The following ZC3HAV1 variants were observed in gnomAD, a reference collection of about 807,000 sequenced individuals.
The protein encoded by ZC3HAV1 is zinc finger CCCH-type containing, antiviral 1.
In ZC3HAV1, 41 loss-of-function variants were observed where a neutral mutation model predicts 86.6. The observed-to-expected ratio is 0.47, with a 90% CI of 0.37 to 0.61. The LOEUF (loss-of-function observed/expected upper bound fraction) is 0.61. Among genes scored for constraint, ZC3HAV1 ranks in the 20% least tolerant of loss-of-function variants. The probability of loss-of-function intolerance (pLI) is 0.00; values close to 1 mark genes in which losing one functional copy is unlikely to be tolerated. For synonymous variants in ZC3HAV1, 421 were observed against 432.1 expected, an observed-to-expected ratio of 0.97 and a Z score of 0.32; for missense variants, 964 against 1,141.1, an observed-to-expected ratio of 0.84 and a Z score of 2.24.
chr7:139,055,440 A>G (rs2297237), intron 9 of ZC3HAV1, 145 bp from the exon 10 acceptor site: 313,857 of 535,966 alleles, frequency 0.59, 94,136 homozygotes, highest in African/African-American at 0.69. Context: ...CTACATCCTC[A>G]CATATTCCTG....
chr7:139,046,734 T>G lies in ZC3HAV1; in HGVS notation c.*860A>C, dbSNP rs1031418211. ...CCATGTCTGCAATAGCACTTCAATT[T>G]TACTTTTTTTTCCCCTAGCATGTCC... On this transcript the variant is annotated 3_prime_UTR_variant, in exon 13 of 13. Transcript: ENST00000242351. The G allele has an allele frequency of 6.6e-6, 1 of 151,308 alleles. No homozygotes were observed. The highest frequency in any genetic ancestry group is 2.5e-5 in the African/African-American group (1 of 40,534). The allele number at this position is 151,308 out of a possible 1,614,324, so 9.4% of individuals were successfully genotyped here.
intron 10 of ZC3HAV1, 142 bp from the exon 11 acceptor site, chr7:139,054,237 C>T: frequency 1.3e-6 from 1 of 790,026 alleles, no homozygotes. Flanking sequence ...CTTAGGGTTC[C>T]CACATCTGCC....
intron 7 of ZC3HAV1, among the ~76,000 whole-genome samples, chr7:139,067,605 G>A (rs1449940025): frequency 6.6e-6 from 1 of 151,942 alleles, no homozygotes; most frequent in Non-Finnish European, 1.5e-5. Context: ...TTACTTAATG[G>A]GTACAATGTA....
chr7:139,054,525 A>G (rs1816225678), intron 10 of ZC3HAV1, among the ~76,000 whole-genome samples: 2 of 152,140 alleles, frequency 1.3e-5, no homozygotes, highest in Admixed American at 1.3e-4. Flanking sequence ...AGTTTGTTTG[A>G]CTCCCATAGA....
intron 1 of ZC3HAV1, among the ~76,000 whole-genome samples, chr7:139,107,033 T>C (rs955116244): frequency 6.6e-6 from 1 of 152,160 alleles, no homozygotes; most frequent in Non-Finnish European, 1.5e-5. Flanking sequence ...AGCATATGTA[T>C]TTCATACTAA....
chr7:139,079,564 T>C lies in ZC3HAV1; in HGVS notation c.1377A>G (p.Ser459=), dbSNP rs1466926624. 7.4e-6 allele frequency: 12 copies of C among 1,614,030 alleles called. No homozygotes were observed. The highest frequency in any genetic ancestry group is 1.6e-4 in the Middle Eastern group (1 of 6,084). The change falls in exon 4 of 13, where the codon TCA becomes TCG. Residue 459 remains serine, a synonymous_variant. Transcript: ENST00000242351. Reference sequence around the variant, plus strand: ...CAGGTCCAGCATCCTGAATCCTAGGTGATGATATTTCTCTGTGACCGCTGC... The same window carrying C: ...CAGGTCCAGCATCCTGAATCCTAGGCGATGATATTTCTCTGTGACCGCTGC... ...STSSGHREIS[S]PRIQDAGPAS... is the part of the protein sequence containing the mutation.
At position 139,109,406 on chromosome 7, in the gene ZC3HAV1, T is replaced by C. The variant is rs890261303; in HGVS notation, c.-75A>G. ...GAAATCGGAAATCGAAACTTACAAG[T>C]GTCCAGGGGCGGGCGCGGGCGGTGC... On this transcript the variant is annotated 5_prime_UTR_variant, in exon 1 of 13. Coordinates refer to ENST00000242351, the MANE Select transcript of ZC3HAV1 (RefSeq NM_020119.4). 4 of 1,440,320 alleles carry C rather than the reference T, an allele frequency of 2.8e-6. No homozygotes were observed. In the African/African-American group the frequency reaches 5.7e-5, roughly 21 times the overall value. 89.2% of individuals were successfully genotyped at this position (1,440,320 alleles called of 1,614,324 possible).
At chr7:139,097,735 G>T (rs1014183344) in intron 1 of ZC3HAV1, among the ~76,000 whole-genome samples, 13 of 151,438 alleles carry the variant, frequency 8.6e-5, no homozygotes, top group East Asian at 7.9e-4. Context: ...AGCCCGGCCG[G>T]AACTCCTTAT....
intron 5 of ZC3HAV1, among the ~76,000 whole-genome samples, chr7:139,077,536 G>A (rs996683571): frequency 7.2e-5 from 11 of 152,146 alleles, no homozygotes; most frequent in African/African-American, 2.7e-4. Context: ...AAGCCACCAT[G>A]CCTGGCATTT....
chr7:139,097,418 A>ATT (rs1563140611), intron 1 of ZC3HAV1, among the ~76,000 whole-genome samples: 10 of 78,456 alleles, frequency 1.3e-4, no homozygotes, highest in South Asian at 5.3e-4. Flanking sequence ...ATATATATAT[A>ATT]TATATATATA....
chr7:139,101,870 C>T (rs1014706693), intron 1 of ZC3HAV1, among the ~76,000 whole-genome samples: 4 of 151,958 alleles, frequency 2.6e-5, no homozygotes, highest in African/African-American at 7.3e-5. Flanking sequence ...ACAAACACTG[C>T]GGAAGGCCGC....
Position 139,044,368 on chromosome 7 carries a change from A to C in ZC3HAV1, c.*3226T>G, listed in dbSNP as rs1221320175. 6.6e-6 allele frequency: 1 copy of C among 152,178 alleles called. No homozygotes were observed. The highest frequency in any genetic ancestry group is 1.5e-5 in the Non-Finnish European group (1 of 68,034). 9.4% of individuals were successfully genotyped at this position (152,178 alleles called of 1,614,324 possible). ...ACCTACTCATTACAAGGAAGAGTAA[A>C]CATCTGTCTGTTTCAAACAGCGTAG... On this transcript the variant is annotated 3_prime_UTR_variant, in exon 13 of 13. Coordinates refer to ENST00000242351, the MANE Select transcript of ZC3HAV1 (RefSeq NM_020119.4).
At chr7:139,060,989 G>T in intron 9 of ZC3HAV1, 47 bp downstream of exon 9, 1 of 1,611,444 alleles carries the variant, frequency 6.2e-7, no homozygotes, top group South Asian at 1.1e-5. Context: ...CCCAGGGCAT[G>T]AACATCTCAA....
rs1815902576 is a variant in ZC3HAV1 at position 139,044,463 on chromosome 7, C to T, written c.*3131G>A. 1 of 152,080 alleles carries T rather than the reference C, an allele frequency of 6.6e-6. No homozygotes were observed. 9.4% of individuals were successfully genotyped at this position (152,080 alleles called of 1,614,324 possible). ...ATAAATTTCTTCTTTTCTATTTCTC[C>T]TTAATAAGAGAGTTAGGGCATTAAA... is the stretch of plus-strand genomic sequence containing the variant. On this transcript the variant is annotated 3_prime_UTR_variant, in exon 13 of 13. Coordinates refer to ENST00000242351, the MANE Select transcript of ZC3HAV1 (RefSeq NM_020119.4).
At chr7:139,054,184 A>G in intron 10 of ZC3HAV1, 89 bp from the exon 11 acceptor site, 1 of 1,319,730 alleles carries the variant, frequency 7.6e-7, no homozygotes. Flanking sequence ...GCCATGAAGT[A>G]TTGTTACCAG....
intron 7 of ZC3HAV1, 134 bp from the exon 8 acceptor site, chr7:139,065,133 C>T (rs2130683941): frequency 8.6e-7 from 1 of 1,162,218 alleles, no homozygotes; most frequent in Non-Finnish European, 1.2e-6. Context: ...TAAAAGCTTC[C>T]AGCTCAGGGC....
intron 9 of ZC3HAV1, chr7:139,060,288 G>C (rs1259605914): frequency 1.0e-6 from 1 of 985,118 alleles, no homozygotes; most frequent in Admixed American, 6.2e-5. Flanking sequence ...CTTGAAGCCT[G>C]TTTTATGTAA....
intron 8 of ZC3HAV1, among the ~76,000 whole-genome samples, chr7:139,062,734 G>T (rs1436978939): frequency 6.6e-6 from 1 of 152,144 alleles, no homozygotes; most frequent in Non-Finnish European, 1.5e-5. Context: ...TCTAGTTCAG[G>T]AATAGAAAAA....
chr7:139,084,787 T>A (rs1817229372), intron 2 of ZC3HAV1, among the ~76,000 whole-genome samples: 1 of 152,226 alleles, frequency 6.6e-6, no homozygotes, highest in Non-Finnish European at 1.5e-5. Context: ...AAATATAAAG[T>A]GTGATGCACG....
Sources: allele counts gnomAD v4.1 joint callset (sites outside exome capture counted in the v4.1 genomes callset), GRCh38; gene constraint gnomAD v4.1.1; transcripts MANE v1.5; gene names NCBI Gene and HGNC (gene_info 2026-07-23, HGNC 2026-07-21).